KCND2: variants seen among roughly 807,000 people sequenced by gnomAD.
KCND2 encodes potassium voltage-gated channel subfamily D member 2.
KCND2 carries 16 observed loss-of-function variants against 54.4 expected under a neutral mutation model. The observed-to-expected ratio is 0.29, with a 90% CI of 0.20 to 0.45. The LOEUF is 0.45. Ranked by LOEUF, KCND2 falls within the 20% of genes least tolerant of loss-of-function variation. The probability of loss-of-function intolerance (pLI) is 1.00; values close to 1 mark genes in which losing one functional copy is unlikely to be tolerated. For missense variants in KCND2, 486 were observed against 824.2 expected, an observed-to-expected ratio of 0.59 and a Z score of 5.02; for synonymous variants, 317 against 310.7, an observed-to-expected ratio of 1.02 and a Z score of -0.21.
intron 1 of KCND2, among the ~76,000 whole-genome samples, chr7:120,369,661 AG>A (rs932593699): frequency 1.3e-5 from 2 of 152,026 alleles, no homozygotes; most frequent in African/African-American, 4.8e-5. Flanking sequence ...TTCTTTTAAT[AG>A]GCACTGTTTC....
chr7:120,283,727 A>G (rs1446968859), intron 1 of KCND2, among the ~76,000 whole-genome samples: 1 of 152,164 alleles, frequency 6.6e-6, no homozygotes, highest in Non-Finnish European at 1.5e-5. Flanking sequence ...TGTCAATTGT[A>G]ATATTAGTGT....
rs918022186 is a variant in KCND2 at position 120,274,389 on chromosome 7, T to C, written c.-244T>C. The C allele has an allele frequency of 1.7e-5, 10 of 590,174 alleles. No homozygotes were observed. In the Admixed American group the frequency reaches 2.4e-4, roughly 14 times the overall value. 36.6% of individuals were successfully genotyped at this position (590,174 alleles called of 1,614,324 possible). ...CAGGAAGAGATTTGGCTGGGTTCTGTTGAGGGTGATTGTTAGGACGTTGTA... is the reference window on the plus strand; with the variant it reads ...CAGGAAGAGATTTGGCTGGGTTCTGCTGAGGGTGATTGTTAGGACGTTGTA... On this transcript the variant is annotated 5_prime_UTR_variant, in exon 1 of 6. Transcript: ENST00000331113.
chr7:120,706,104 A>G (rs1264124110), intron 1 of KCND2, among the ~76,000 whole-genome samples: 2 of 152,094 alleles, frequency 1.3e-5, no homozygotes, highest in Non-Finnish European at 2.9e-5. Flanking sequence ...ATAGGAGAGG[A>G]TAGTACCCCG....
chr7:120,654,153 G>A (rs932046777), intron 1 of KCND2, among the ~76,000 whole-genome samples: 2 of 152,084 alleles, frequency 1.3e-5, no homozygotes, highest in Non-Finnish European at 2.9e-5. Flanking sequence ...TGGTTCTTCA[G>A]CCAGTTTTAA....
chr7:120,649,825 TC>T (rs1463703624), intron 1 of KCND2, among the ~76,000 whole-genome samples: 1 of 152,198 alleles, frequency 6.6e-6, no homozygotes, highest in Non-Finnish European at 1.5e-5. Flanking sequence ...TGACAAAATC[TC>T]TCAGCATTTG....
intron 1 of KCND2, among the ~76,000 whole-genome samples, chr7:120,420,876 A>G (rs1230988796): frequency 6.6e-6 from 1 of 152,204 alleles, no homozygotes; most frequent in African/African-American, 2.4e-5. Flanking sequence ...ATCATTCGAC[A>G]TACATAAAAT....
intron 1 of KCND2, among the ~76,000 whole-genome samples, chr7:120,315,198 C>T (rs1399367426): frequency 1.3e-5 from 2 of 152,118 alleles, no homozygotes; most frequent in Non-Finnish European, 2.9e-5. Context: ...CATTAGGGTT[C>T]CTGCTGTCTT....
At chr7:120,345,935 A>G (rs1256979534) in intron 1 of KCND2, among the ~76,000 whole-genome samples, 1 of 152,156 alleles carries the variant, frequency 6.6e-6, no homozygotes, top group South Asian at 2.1e-4. Flanking sequence ...TATTTTCCAT[A>G]ATGATTGCAC....
At chr7:120,349,802 A>T (rs1307549598) in intron 1 of KCND2, among the ~76,000 whole-genome samples, 1 of 152,022 alleles carries the variant, frequency 6.6e-6, no homozygotes, top group Non-Finnish European at 1.5e-5. Flanking sequence ...TATTCATCTT[A>T]TTCATTTATG....
At chr7:120,740,558 C>A (rs1792927546) in intron 2 of KCND2, among the ~76,000 whole-genome samples, 1 of 152,022 alleles carries the variant, frequency 6.6e-6, no homozygotes, top group African/African-American at 2.4e-5. Flanking sequence ...GAGACTGTTT[C>A]CATGACGGTC....
At chr7:120,455,683 G>A (rs1802189405) in intron 1 of KCND2, among the ~76,000 whole-genome samples, 1 of 152,054 alleles carries the variant, frequency 6.6e-6, no homozygotes. Context: ...GTTTTTTGCA[G>A]CAACATGGAT....
chr7:120,474,784 A>G (rs932150287), intron 1 of KCND2, among the ~76,000 whole-genome samples: 2 of 152,164 alleles, frequency 1.3e-5, no homozygotes, highest in African/African-American at 4.8e-5. Flanking sequence ...GAAAGATCCC[A>G]GGACACGTAA....
In KCND2 at chr7:120,275,389, A is replaced by T. The variant is rs1584706691; in HGVS notation, c.757A>T (p.Ser253Cys). Residue 253 changes from serine (S) to cysteine (C), a missense_variant, in exon 1 of 6, where the codon AGT (serine) becomes TGT (cysteine). Ser to Cys is a moderately radical substitution (Grantham distance 112, BLOSUM62 -1). Coordinates refer to ENST00000331113, the MANE Select transcript of KCND2 (RefSeq NM_012281.3). ...EYLLRLAAAP[S>C]RYRFVRSVMS... ...TTTGCTTCGCCTGGCTGCAGCGCCT[A>T]GTCGTTACCGTTTTGTGCGTAGTGT... is the stretch of plus-strand genomic sequence containing the variant. 1 of 1,613,768 alleles carries T rather than the reference A, an allele frequency of 6.2e-7. No individual in the cohort carries two copies. Among genetic ancestry groups the T allele is most frequent in the African/African-American group, 1.3e-5 (1 of 74,874 alleles).
intron 1 of KCND2, among the ~76,000 whole-genome samples, chr7:120,689,436 G>A (rs1273622758): frequency 6.6e-6 from 1 of 152,026 alleles, no homozygotes; most frequent in Non-Finnish European, 1.5e-5. Flanking sequence ...TCAATAATCT[G>A]ATTTCATAGA....
intron 1 of KCND2, among the ~76,000 whole-genome samples, chr7:120,537,393 G>T (rs1011319190): frequency 3.3e-5 from 5 of 152,136 alleles, no homozygotes; most frequent in African/African-American, 1.2e-4. Context: ...GCTGGATTTA[G>T]CACAATTGTT....
At chr7:120,280,041 C>T (rs1010579547) in intron 1 of KCND2, among the ~76,000 whole-genome samples, 2 of 151,894 alleles carry the variant, frequency 1.3e-5, no homozygotes, top group Admixed American at 6.6e-5. Flanking sequence ...ATAACTATTG[C>T]TAGTGCATTA....
Position 120,746,015 on chromosome 7 carries a change from C to G in KCND2, c.1703C>G (p.Pro568Arg). Reference sequence around the variant, plus strand: ...CAGATCAGATGTGTGGAGAGAACACCTCTGTCTAACAGGTACCTGAGATTA... The same window carrying G: ...CAGATCAGATGTGTGGAGAGAACACGTCTGTCTAACAGGTACCTGAGATTA... The part of the protein sequence containing the change: ...TIQIRCVERT[P>R]LSNSRSSLNA... The change falls in exon 5 of 6, where the codon CCT becomes CGT. Residue 568 changes from proline (P) to arginine (R), a missense_variant. Coordinates refer to ENST00000331113, the MANE Select transcript of KCND2 (RefSeq NM_012281.3). 6.2e-7 allele frequency: 1 copy of G among 1,613,236 alleles called. No homozygotes were observed. The highest frequency in any genetic ancestry group is 8.5e-7 in the Non-Finnish European group (1 of 1,179,624).
At chr7:120,452,474 TG>T (rs1802127290) in intron 1 of KCND2, among the ~76,000 whole-genome samples, 2 of 152,056 alleles carry the variant, frequency 1.3e-5, no homozygotes, top group South Asian at 4.1e-4. Flanking sequence ...GGGAAGGCAC[TG>T]GGAGTGGACA....
At chr7:120,464,960 T>G (rs1584790200) in intron 1 of KCND2, among the ~76,000 whole-genome samples, 1 of 152,308 alleles carries the variant, frequency 6.6e-6, no homozygotes, top group South Asian at 2.1e-4. Flanking sequence ...CTCCTTATTT[T>G]AAGGTCAACT....
Sources: gnomAD v4.1 joint callset for allele counts (sites outside exome capture counted in the v4.1 genomes callset) on GRCh38, gnomAD v4.1.1 for gene constraint, MANE v1.5 for transcripts, NCBI Gene and HGNC (gene_info 2026-07-23, HGNC 2026-07-21) for gene names.